The following WDFY3 variants were observed in gnomAD, a reference collection of about 807,000 sequenced individuals.
The protein encoded by WDFY3 is WD repeat and FYVE domain-containing protein 3.
In WDFY3, 66 loss-of-function variants were observed where a neutral mutation model predicts 409.6. The observed-to-expected ratio is 0.16, with a 90% CI of 0.13 to 0.20. The LOEUF (loss-of-function observed/expected upper bound fraction) is 0.20. Ranked by LOEUF, WDFY3 falls within the 10% of genes least tolerant of loss-of-function variation. The probability of loss-of-function intolerance (pLI) is 1.00; values close to 1 mark genes in which losing one functional copy is unlikely to be tolerated. For missense variants in WDFY3, 3,031 were observed against 4,298.1 expected (o/e 0.71, Z 8.24); for synonymous variants, 1,521 against 1,537.1 (o/e 0.99, Z 0.25).
chr4:84,910,281 T>C (rs1767588466), intron 2 of WDFY3, among the ~76,000 whole-genome samples: 1 of 152,200 alleles, frequency 6.6e-6, no homozygotes, highest in Non-Finnish European at 1.5e-5. Flanking sequence ...CTACAGATTT[T>C]GGTGCTTGAG....
chr4:84,894,513 G>A (rs983659841), intron 3 of WDFY3, among the ~76,000 whole-genome samples: 9 of 152,064 alleles, frequency 5.9e-5, no homozygotes, highest in Non-Finnish European at 1.0e-4. Context: ...TAGGCTGGGC[G>A]TGGTGGCTCA....
At chr4:84,717,159 C>T (rs1306942258) in intron 48 of WDFY3, 143 bp from the exon 49 acceptor site, 2 of 980,432 alleles carry the variant, frequency 2.0e-6, no homozygotes, top group Middle Eastern at 2.5e-4. Context: ...AATATATTTA[C>T]AAGAAGAATT....
In WDFY3 at chr4:84,695,963, T is replaced by TC. The variant is rs1730078804; in HGVS notation, c.8901+6dup. On this transcript the variant is annotated splice_region_variant and intron_variant, in intron 58 of 67. Coordinates refer to ENST00000295888, the MANE Select transcript of WDFY3 (RefSeq NM_014991.6). ...GTACATCAATGACAAGAAAAAAACATCCATACCTGTTTAGGGATCTGACCG... is the reference window on the plus strand; with the variant it reads ...GTACATCAATGACAAGAAAAAAACATCCCATACCTGTTTAGGGATCTGACCG... 6 of 1,613,112 alleles carry TC rather than the reference T, an allele frequency of 3.7e-6. No homozygotes were observed. The East Asian group carries it at 1.3e-4, about 36-fold the overall frequency.
At chr4:84,873,145 GTTTACC>G (rs1323824195) in intron 3 of WDFY3, among the ~76,000 whole-genome samples, 3 of 152,110 alleles carry the variant, frequency 2.0e-5, no homozygotes, top group Non-Finnish European at 4.4e-5. Context: ...TACATATATA[GTTTACC>G]TGAACAGCAC....
chr4:84,928,659 G>T (rs1055492055), intron 2 of WDFY3, among the ~76,000 whole-genome samples: 6 of 152,058 alleles, frequency 3.9e-5, no homozygotes, highest in African/African-American at 1.4e-4. Context: ...CTCACATATG[G>T]CAGCTAATTC....
chr4:84,949,357 C>T (rs1232246758), intron 1 of WDFY3, among the ~76,000 whole-genome samples: 2 of 152,172 alleles, frequency 1.3e-5, no homozygotes, highest in Admixed American at 6.5e-5. Context: ...GAATCCCACA[C>T]ATTTACACGC....
At chr4:84,836,839 TA>T (rs1756640112) in intron 7 of WDFY3, 89 bp downstream of exon 7, 2 of 1,184,248 alleles carry the variant, frequency 1.7e-6, no homozygotes, top group Non-Finnish European at 2.2e-6. Context: ...AAATATGAGT[TA>T]AAAAATGGAA....
At chr4:84,802,668 AAC>A (rs1417853905) in intron 16 of WDFY3, among the ~76,000 whole-genome samples, 16 of 152,202 alleles carry the variant, frequency 1.1e-4, no homozygotes, top group African/African-American at 3.1e-4. Flanking sequence ...AGGTTAGGCA[AAC>A]ATGTCCTATT....
At chr4:84,789,640 C>A in intron 22 of WDFY3, 86 bp downstream of exon 22, 1 of 1,118,414 alleles carries the variant, frequency 8.9e-7, no homozygotes, top group South Asian at 1.6e-5. Context: ...GTAACACACA[C>A]ACACACACAC....
intron 4 of WDFY3, among the ~76,000 whole-genome samples, chr4:84,852,911 C>A (rs997378703): frequency 1.3e-5 from 2 of 152,036 alleles, no homozygotes; most frequent in Non-Finnish European, 2.9e-5. Flanking sequence ...GTGCCTGCCA[C>A]CACACTCAGC....
chr4:84,819,104 T>C (rs1045161872), intron 12 of WDFY3, among the ~76,000 whole-genome samples: 12 of 152,122 alleles, frequency 7.9e-5, no homozygotes, highest in African/African-American at 2.9e-4. Flanking sequence ...GTTAAATTCA[T>C]TCAAGTCTAT....
chr4:84,837,040 T>C lies in WDFY3; in HGVS notation c.465A>G (p.Lys155=). The change falls in exon 7 of 68, where the codon AAA becomes AAG. Residue 155 remains lysine, a synonymous_variant. Transcript: ENST00000295888. ...TTMSVPSTLV[K]CLYLFFDLPH... is the part of the protein sequence containing the mutation. The stretch of plus-strand genomic sequence containing the variant: ...GAAGGTCAAAAAACAGATATAAACA[T>C]TTAACCAGGGTGGAAGGCACTGACA... The C allele has an allele frequency of 6.3e-7, 1 of 1,594,352 alleles. No homozygotes were observed. The highest frequency in any genetic ancestry group is 1.2e-5 in the South Asian group (1 of 86,400).
chr4:84,865,811 T>A (rs1402225940), intron 3 of WDFY3, among the ~76,000 whole-genome samples: 1 of 152,168 alleles, frequency 6.6e-6, no homozygotes, highest in Admixed American at 6.5e-5. Flanking sequence ...AGCTCACACC[T>A]GAAATTCCAA....
intron 55 of WDFY3, among the ~76,000 whole-genome samples, chr4:84,703,027 G>A (rs1159747535): frequency 6.6e-6 from 1 of 151,860 alleles, no homozygotes; most frequent in Non-Finnish European, 1.5e-5. Flanking sequence ...ACCCCAGGGG[G>A]CGGAGCCTGC....
intron 44 of WDFY3, among the ~76,000 whole-genome samples, chr4:84,730,799 CTCTCTG>C (rs1736467384): frequency 6.6e-6 from 1 of 151,802 alleles, no homozygotes. Flanking sequence ...AAAAATCTCT[CTCTCTG>C]TATTTTTTTT....
chr4:84,868,352 T>C (rs1252646120), intron 3 of WDFY3, among the ~76,000 whole-genome samples: 1 of 151,920 alleles, frequency 6.6e-6, no homozygotes, highest in Non-Finnish European at 1.5e-5. Context: ...ACAAACTGGG[T>C]ATATAAACCA....
chr4:84,740,787 G>A (rs115755719), intron 38 of WDFY3, among the ~76,000 whole-genome samples: 426 of 152,148 alleles, frequency 2.8e-3, no homozygotes, highest in Middle Eastern at 6.8e-3. Context: ...AAAAAATTAA[G>A]ATGTTACTAA....
intron 48 of WDFY3, among the ~76,000 whole-genome samples, chr4:84,717,359 AAC>A (rs1734111755): frequency 6.6e-6 from 1 of 152,214 alleles, no homozygotes; most frequent in African/African-American, 2.4e-5. Context: ...TAGGTAGAAA[AAC>A]ACATTTTAAT....
intron 33 of WDFY3, 152 bp from the exon 34 acceptor site, chr4:84,755,552 C>A (rs1578378871): frequency 1.2e-6 from 1 of 829,546 alleles, no homozygotes; most frequent in Admixed American, 3.7e-5. Flanking sequence ...AGTACCCTTC[C>A]ATCCTACATT....
Sources: allele counts gnomAD v4.1 joint callset (sites outside exome capture counted in the v4.1 genomes callset), GRCh38; gene constraint gnomAD v4.1.1; transcripts MANE v1.5; gene names NCBI Gene and HGNC (gene_info 2026-07-23, HGNC 2026-07-21).